The following PDE4B variants were observed in gnomAD, a reference collection of about 807,000 sequenced individuals.
PDE4B encodes 3',5'-cyclic-AMP phosphodiesterase 4B.
Under a neutral mutation model 82.2 loss-of-function variants are expected in PDE4B, and 20 were observed. The ratio of observed to expected loss-of-function variants is 0.24; its 90% CI spans 0.17 to 0.35. PDE4B has a LOEUF of 0.35. PDE4B is among the 10% of genes least tolerant of loss of function. The pLI is 1.00. For missense variants in PDE4B, 655 were observed against 907.2 expected, an observed-to-expected ratio of 0.72 and a Z score of 3.57; for synonymous variants, 320 against 318.9, an observed-to-expected ratio of 1.00 and a Z score of -0.04.
intron 3 of PDE4B, among the ~76,000 whole-genome samples, chr1:66,183,255 T>A (rs190824414): frequency 2.2e-4 from 33 of 152,308 alleles, no homozygotes; most frequent in African/African-American, 7.2e-4. Flanking sequence ...TGTTTCCTTG[T>A]TTGGGGATAT....
chr1:66,239,888 G>A (rs1474129790), intron 3 of PDE4B, among the ~76,000 whole-genome samples: 1 of 152,136 alleles, frequency 6.6e-6, no homozygotes, highest in African/African-American at 2.4e-5. Context: ...AAAATAATTT[G>A]CAAAATATAT....
intron 4 of PDE4B, among the ~76,000 whole-genome samples, chr1:66,253,235 G>C (rs569934026): frequency 0.068 from 10,281 of 152,242 alleles, 679 homozygotes; most frequent in East Asian, 0.35. Flanking sequence ...AATCTGTGCT[G>C]TTAACCACTA....
intron 3 of PDE4B, among the ~76,000 whole-genome samples, chr1:66,036,786 G>T (rs1331455163): frequency 6.6e-6 from 1 of 152,000 alleles, no homozygotes; most frequent in Non-Finnish European, 1.5e-5. Flanking sequence ...GTCCTTTTTG[G>T]TCAACATTGC....
intron 3 of PDE4B, among the ~76,000 whole-genome samples, chr1:66,056,920 G>A (rs980779198): frequency 6.6e-6 from 1 of 152,182 alleles, no homozygotes; most frequent in Non-Finnish European, 1.5e-5. Context: ...AAATGTAAGA[G>A]AATACATTTG....
chr1:66,322,744 G>A (rs1171033464), intron 7 of PDE4B, among the ~76,000 whole-genome samples: 1 of 151,634 alleles, frequency 6.6e-6, no homozygotes, highest in African/African-American at 2.4e-5. Flanking sequence ...GAATTTTGGG[G>A]GGACACATTT....
At chr1:66,310,012 G>A (rs1409896941) in intron 7 of PDE4B, among the ~76,000 whole-genome samples, 1 of 152,078 alleles carries the variant, frequency 6.6e-6, no homozygotes, top group Non-Finnish European at 1.5e-5. Flanking sequence ...AGCAGGCTTG[G>A]AACCTTGGTA....
At chr1:66,289,117 A>C (rs185151855) in intron 7 of PDE4B, among the ~76,000 whole-genome samples, 48 of 152,272 alleles carry the variant, frequency 3.2e-4, no homozygotes, top group Non-Finnish European at 5.6e-4. Flanking sequence ...AATAAAAATA[A>C]AATAGCCAGG....
chr1:66,004,491 A>G (rs1361387353), intron 3 of PDE4B, among the ~76,000 whole-genome samples: 2 of 152,140 alleles, frequency 1.3e-5, no homozygotes, highest in Non-Finnish European at 2.9e-5. Context: ...ACTCTCATTC[A>G]TCACAGAGAC....
At chr1:66,182,565 TAA>T (rs1462798006) in intron 3 of PDE4B, among the ~76,000 whole-genome samples, 1 of 152,200 alleles carries the variant, frequency 6.6e-6, no homozygotes, top group Non-Finnish European at 1.5e-5. Context: ...CTTTGAATGA[TAA>T]AGTACCTTTG....
At chr1:66,288,598 G>A (rs985821564) in intron 7 of PDE4B, among the ~76,000 whole-genome samples, 15 of 152,054 alleles carry the variant, frequency 9.9e-5, no homozygotes, top group Admixed American at 3.3e-4. Flanking sequence ...CTAAACTAGC[G>A]CCTGGCTTAC....
chr1:65,872,286 T>A (rs770312191), intron 1 of PDE4B, among the ~76,000 whole-genome samples: 1 of 152,174 alleles, frequency 6.6e-6, no homozygotes. Context: ...TAAAATTACA[T>A]GTGCAATTTA....
intron 1 of PDE4B, among the ~76,000 whole-genome samples, chr1:65,870,936 T>G (rs1009401972): frequency 6.6e-6 from 1 of 152,106 alleles, no homozygotes; most frequent in African/African-American, 2.4e-5. Flanking sequence ...TCAAGAGAGT[T>G]AGACACCAAA....
chr1:65,926,448 T>C (rs754198459), intron 3 of PDE4B, among the ~76,000 whole-genome samples: 4 of 152,180 alleles, frequency 2.6e-5, no homozygotes, highest in African/African-American at 7.2e-5. Context: ...CTTCTGATGA[T>C]AATTCTTAAG....
At chr1:65,815,496 G>C (rs1446217408) in intron 1 of PDE4B, among the ~76,000 whole-genome samples, 1 of 152,030 alleles carries the variant, frequency 6.6e-6, no homozygotes, top group African/African-American at 2.4e-5. Flanking sequence ...ATCCTGGATT[G>C]GATGCTGGAA....
intron 3 of PDE4B, among the ~76,000 whole-genome samples, chr1:66,049,716 G>A (rs181373650): frequency 7.2e-5 from 11 of 152,138 alleles, no homozygotes; most frequent in African/African-American, 2.6e-4. Context: ...CCCATTTGCA[G>A]TGTGGTATGG....
At chr1:66,110,011 A>C (rs2455016) in intron 3 of PDE4B, among the ~76,000 whole-genome samples, 98,465 of 151,696 alleles carry the variant, frequency 0.65, 32,196 homozygotes, top group East Asian at 0.72. Context: ...TCATGTAATT[A>C]ATTGTCAAAA....
chr1:65,973,443 C>G (rs549691020), intron 3 of PDE4B, among the ~76,000 whole-genome samples: 1 of 152,174 alleles, frequency 6.6e-6, no homozygotes, highest in East Asian at 1.9e-4. Flanking sequence ...TAGTATTTTT[C>G]AGCTTTGAAT....
Position 66,368,894 on chromosome 1 carries a change from A to G in PDE4B, c.1770A>G (p.Gly590=), listed in dbSNP as rs1663454407. 4 of 1,613,730 alleles carry G rather than the reference A, an allele frequency of 2.5e-6. No homozygotes were observed. The highest frequency in any genetic ancestry group is 2.2e-5 in the East Asian group (1 of 44,866). Residue 590 remains glycine (G), a synonymous_variant, in exon 16 of 17, where the codon GGA becomes GGG. Coordinates refer to ENST00000341517, the MANE Select transcript of PDE4B (RefSeq NM_002600.4). ...DRIMEEFFQQ[G]DKERERGMEI... The stretch of plus-strand genomic sequence containing the variant: ...TCATGGAGGAATTTTTCCAGCAGGG[A>G]GACAAAGAGCGGGAGAGGGGAATGG...
chr1:66,340,953 G>A (rs1191106867), intron 8 of PDE4B, among the ~76,000 whole-genome samples: 1 of 152,168 alleles, frequency 6.6e-6, no homozygotes, highest in African/African-American at 2.4e-5. Context: ...AATGTCTTTG[G>A]TCACTATTGA....
Sources: allele counts gnomAD v4.1 joint callset (sites outside exome capture counted in the v4.1 genomes callset), GRCh38; gene constraint gnomAD v4.1.1; transcripts MANE v1.5; gene names NCBI Gene and HGNC (gene_info 2026-07-23, HGNC 2026-07-21).